UBE2L6: variants seen among roughly 807,000 people sequenced by gnomAD.
UBE2L6 encodes the protein ubiquitin/ISG15-conjugating enzyme E2 L6.
In UBE2L6, 11 loss-of-function variants were observed where a neutral mutation model predicts 13.6. That is an observed-to-expected ratio of 0.81 (90% confidence interval 0.51 to 1.34). The LOEUF (loss-of-function observed/expected upper bound fraction) is 1.34, where lower values mean the gene tolerates loss of function less well. UBE2L6 is among the 40% of genes most tolerant of loss of function. UBE2L6 has a pLI of 0.00. For missense variants in UBE2L6, 197 were observed against 199.5 expected (o/e 0.99, Z 0.07); for synonymous variants, 74 against 83.2 (o/e 0.89, Z 0.60).
At chr11:57,553,898 T>C (rs1334628353) in intron 3 of UBE2L6, among the ~76,000 whole-genome samples, 1 of 152,226 alleles carries the variant, frequency 6.6e-6, no homozygotes, top group Non-Finnish European at 1.5e-5. Context: ...AGTGCTGCCG[T>C]TTGTCATCTG....
At chr11:57,564,568 C>T (rs2135282596) in intron 1 of UBE2L6, among the ~76,000 whole-genome samples, 1 of 151,924 alleles carries the variant, frequency 6.6e-6, no homozygotes, top group East Asian at 2.0e-4. Context: ...TGTGGGAGGC[C>T]AAAGCCGGTG....
chr11:57,566,954 C>CACCG lies in UBE2L6; in HGVS notation c.27+630_27+631insCGGT, dbSNP rs1032269690. ...TTGTGTTCATCTCTGCCCGCCCCCC[C>CACCG]CCCCCTCCTAGAACAGGGCCAGCAC... On this transcript the variant is annotated intron_variant, in intron 1 of 3. Transcript: ENST00000287156. 12 of 181,368 alleles carry CACCG rather than the reference C, an allele frequency of 6.6e-5. 3 individuals are homozygous for CACCG. The highest frequency in any genetic ancestry group is 1.1e-4 in the Non-Finnish European group (9 of 85,032). The allele number at this position is 181,368 out of a possible 1,614,324, so 11.2% of individuals were successfully genotyped here. A position where few individuals can be genotyped will look rare whatever the true frequency, so the allele number is the denominator to read the frequency against.
chr11:57,553,740 C>T (rs1478558049), intron 3 of UBE2L6, among the ~76,000 whole-genome samples: 5 of 150,792 alleles, frequency 3.3e-5, no homozygotes, highest in East Asian at 2.0e-4. Flanking sequence ...GCCGGAGAAT[C>T]GCTTGAACCT....
chr11:57,562,897 C>CA (rs1176734657), intron 1 of UBE2L6, among the ~76,000 whole-genome samples: 2 of 152,092 alleles, frequency 1.3e-5, no homozygotes, highest in Non-Finnish European at 2.9e-5. Flanking sequence ...GCCCAGACTA[C>CA]AAAGACTATA....
chr11:57,564,306 T>A (rs1945069023), intron 1 of UBE2L6, among the ~76,000 whole-genome samples: 1 of 152,172 alleles, frequency 6.6e-6, no homozygotes, highest in Non-Finnish European at 1.5e-5. Context: ...ATGACATATT[T>A]AAATGAAATA....
intron 1 of UBE2L6, among the ~76,000 whole-genome samples, chr11:57,561,577 G>C (rs1348065776): frequency 6.6e-6 from 1 of 152,174 alleles, no homozygotes; most frequent in African/African-American, 2.4e-5. Context: ...AGCAGAGAAG[G>C]GGAGAAGCAC....
upstream of UBE2L6, chr11:57,567,687 C>T (rs1307693924): frequency 2.6e-6 from 4 of 1,523,202 alleles, no homozygotes; most frequent in Middle Eastern, 2.3e-4. Flanking sequence ...CGCCCCGCCC[C>T]GCCCCGGGGA....
At chr11:57,557,456 G>T (rs144937601) in intron 2 of UBE2L6, among the ~76,000 whole-genome samples, 1,680 of 148,666 alleles carry the variant, frequency 0.011, 34 homozygotes, top group African/African-American at 0.04. Context: ...GTGCAATGGC[G>T]TGATCTCGGC....
intron 2 of UBE2L6, among the ~76,000 whole-genome samples, chr11:57,556,573 C>T (rs1391284307): frequency 1.6e-5 from 1 of 63,706 alleles, no homozygotes; most frequent in Admixed American, 2.3e-4. Flanking sequence ...GCCTGGGCAA[C>T]AAGAGCAAAA....
chr11:57,561,975 G>A (rs1039048745), intron 1 of UBE2L6, among the ~76,000 whole-genome samples: 10 of 152,192 alleles, frequency 6.6e-5, no homozygotes, highest in Admixed American at 5.9e-4. Context: ...AGGGACATTC[G>A]GTAATATCTG....
At chr11:57,560,280 C>A (rs963309911) in intron 2 of UBE2L6, 57 bp downstream of exon 2, 1 of 1,424,730 alleles carries the variant, frequency 7.0e-7, no homozygotes, top group Non-Finnish European at 9.9e-7. Context: ...CCTCCCTGCC[C>A]ATGTCCCTGG....
At chr11:57,554,709 C>T in intron 2 of UBE2L6, 86 bp from the exon 3 acceptor site, 1 of 1,436,368 alleles carries the variant, frequency 7.0e-7, no homozygotes, top group South Asian at 1.2e-5. Context: ...TCCTCTGCTT[C>T]ACTCCCAGGA....
At chr11:57,566,501 C>T (rs368938781) in intron 1 of UBE2L6, among the ~76,000 whole-genome samples, 71 of 152,330 alleles carry the variant, frequency 4.7e-4, no homozygotes, top group Middle Eastern at 3.4e-3. Flanking sequence ...AACTGCTGTG[C>T]GAATTAGATG....
chr11:57,566,513 A>T (rs1354485829), intron 1 of UBE2L6, among the ~76,000 whole-genome samples: 38 of 152,216 alleles, frequency 2.5e-4, no homozygotes, highest in Non-Finnish European at 1.5e-5. Flanking sequence ...AATTAGATGA[A>T]ATAACCATGT....
intron 2 of UBE2L6, among the ~76,000 whole-genome samples, chr11:57,559,655 C>T (rs1475908530): frequency 1.3e-5 from 2 of 151,812 alleles, no homozygotes; most frequent in Non-Finnish European, 2.9e-5. Context: ...ATGAATTGTT[C>T]CTTTGATATT....
chr11:57,553,171 T>C lies in UBE2L6; in HGVS notation c.311-662A>G, dbSNP rs556693442. Among the ~76,000 whole-genome samples the C allele has an allele frequency of 1.2e-4, 18 of 152,356 alleles. 1 individual carries two copies. The highest frequency in any genetic ancestry group is 1.2e-3 in the East Asian group (6 of 5,196). On this transcript the variant is annotated intron_variant, in intron 3 of 3. Coordinates refer to ENST00000287156, the MANE Select transcript of UBE2L6 (RefSeq NM_004223.5). ...CTGTGTTGTTCAATATGGTAGCCAT[T>C]AGCCACATGCAGGCATCTAAATTTA...
At chr11:57,566,948 C>G (rs1590812443) in intron 1 of UBE2L6, 2 of 15,012 alleles carry the variant, frequency 1.3e-4, no homozygotes, top group Non-Finnish European at 1.4e-4. Context: ...TCTCTGCCCG[C>G]CCCCCCCCCC....
At chr11:57,560,806 G>C (rs958244596) in intron 1 of UBE2L6, among the ~76,000 whole-genome samples, 1 of 151,756 alleles carries the variant, frequency 6.6e-6, no homozygotes, top group Admixed American at 6.6e-5. Context: ...ATTTTTAGTA[G>C]AGACGGGGTT....
chr11:57,562,876 A>C (rs891959622), intron 1 of UBE2L6, among the ~76,000 whole-genome samples: 3 of 152,210 alleles, frequency 2.0e-5, no homozygotes, highest in East Asian at 3.9e-4. Flanking sequence ...AAGAAGGATG[A>C]GTACAAACAA....
Sources: gnomAD v4.1 joint callset for allele counts (sites outside exome capture counted in the v4.1 genomes callset) on GRCh38, gnomAD v4.1.1 for gene constraint, MANE v1.5 for transcripts, NCBI Gene and HGNC (gene_info 2026-07-23, HGNC 2026-07-21) for gene names.